The following ANK2 variants were observed in gnomAD, a reference collection of about 807,000 sequenced individuals.
ANK2 encodes the protein ankyrin-2.
A neutral mutation model predicts 360.5 loss-of-function variants in ANK2; 83 were observed. That is an observed-to-expected ratio of 0.23 (90% confidence interval 0.19 to 0.28). ANK2 has a LOEUF of 0.28. ANK2 is among the 10% of genes least tolerant of loss of function. The pLI, the probability that ANK2 is intolerant of heterozygous loss-of-function variation, is 1.00. For missense variants in ANK2, 4,201 were observed against 4,795.7 expected (o/e 0.88, Z 3.66); for synonymous variants, 1,740 against 1,759.5 (o/e 0.99, Z 0.28).
intron 1 of ANK2, among the ~76,000 whole-genome samples, chr4:112,900,540 A>G (rs2083025750): frequency 6.6e-6 from 1 of 152,192 alleles, no homozygotes; most frequent in Non-Finnish European, 1.5e-5. Context: ...AAGCCGGGGA[A>G]AGGGAAAAAG....
At chr4:112,855,428 A>G (rs1472519907) in intron 1 of ANK2, among the ~76,000 whole-genome samples, 1 of 152,208 alleles carries the variant, frequency 6.6e-6, no homozygotes, top group Non-Finnish European at 1.5e-5. Context: ...TAGTACACTG[A>G]CAACAGGTTG....
At chr4:113,359,488 C>T (rs973908201) in intron 38 of ANK2, among the ~76,000 whole-genome samples, 189 bp downstream of exon 38, 2 of 152,024 alleles carry the variant, frequency 1.3e-5, no homozygotes, top group Non-Finnish European at 2.9e-5. Flanking sequence ...AAAACAATCT[C>T]AAGATTGAGT....
chr4:112,947,084 C>T (rs550636042), intron 2 of ANK2, among the ~76,000 whole-genome samples: 1 of 152,278 alleles, frequency 6.6e-6, no homozygotes, highest in South Asian at 2.1e-4. Context: ...GTATTGCATG[C>T]TTGTTGGGTC....
At chr4:113,301,278 T>C (rs549727684) in intron 22 of ANK2, among the ~76,000 whole-genome samples, 1 of 152,280 alleles carries the variant, frequency 6.6e-6, no homozygotes, top group South Asian at 2.1e-4. Flanking sequence ...TAATGAGATT[T>C]GAATTTTTAT....
intron 1 of ANK2, among the ~76,000 whole-genome samples, chr4:112,837,907 T>C (rs2061335564): frequency 1.3e-5 from 2 of 152,238 alleles, no homozygotes; most frequent in African/African-American, 4.8e-5. Flanking sequence ...GATTAGACTT[T>C]GCACTTAGAC....
In ANK2 at chr4:113,350,134, T is replaced by G. The variant is rs533980163; in HGVS notation, c.4405-94T>G. 8.0e-6 allele frequency: 9 copies of G among 1,126,068 alleles called. No homozygotes were observed. The African/African-American group carries it at 1.2e-4, about 15-fold the overall frequency. 69.8% of individuals were successfully genotyped at this position (1,126,068 alleles called of 1,614,324 possible). The stretch of plus-strand genomic sequence containing the variant: ...CCTATAGCTATGGTGTCACCCAACA[T>G]GTATAATTATGAATAGGAGCTTTTT... On this transcript the variant is annotated intron_variant, in intron 36 of 45. Transcript: ENST00000357077.
the ANK2 span, among the ~76,000 whole-genome samples, chr4:112,790,982 A>G: frequency 6.0e-4 from 92 of 152,326 alleles, no homozygotes; most frequent in African/African-American, 2.1e-3. Context: ...TTGTCTAAGA[A>G]AGACAGTGCT....
At chr4:113,111,164 A>G (rs571308942) in intron 1 of ANK2, among the ~76,000 whole-genome samples, 1 of 152,322 alleles carries the variant, frequency 6.6e-6, no homozygotes, top group African/African-American at 2.4e-5. Flanking sequence ...AAAGAATAAC[A>G]ATTAAAAATA....
chr4:112,775,767 A>G, the ANK2 span, among the ~76,000 whole-genome samples: 1,384 of 152,240 alleles, frequency 9.1e-3, 17 homozygotes, highest in African/African-American at 0.027. Flanking sequence ...TTAGGTCTGA[A>G]GCTCACAAAA....
chr4:113,216,700 GA>G (rs1338918439), intron 4 of ANK2, among the ~76,000 whole-genome samples: 1 of 152,096 alleles, frequency 6.6e-6, no homozygotes, highest in Non-Finnish European at 1.5e-5. Flanking sequence ...ACAACACTCA[GA>G]ACATATTTTT....
chr4:113,257,419 C>T (rs1195192603), intron 11 of ANK2, among the ~76,000 whole-genome samples: 4 of 152,004 alleles, frequency 2.6e-5, no homozygotes, highest in African/African-American at 9.7e-5. Flanking sequence ...TGAAAATATT[C>T]GAGAACTTAA....
At chr4:113,359,908 G>A (rs1564074220) in intron 38 of ANK2, among the ~76,000 whole-genome samples, 1 of 152,100 alleles carries the variant, frequency 6.6e-6, no homozygotes, top group Non-Finnish European at 1.5e-5. Context: ...GTAGATGAAT[G>A]GAGAATGTAC....
intron 24 of ANK2, among the ~76,000 whole-genome samples, chr4:113,317,193 A>ATTCACAGT (rs2083374584): frequency 1.3e-5 from 2 of 152,356 alleles, no homozygotes; most frequent in Non-Finnish European, 2.9e-5. Flanking sequence ...ACATTCAGTC[A>ATTCACAGT]TTCACAGTTT....
chr4:113,048,287 T>A (rs1407280490), upstream of ANK2, among the ~76,000 whole-genome samples: 62 of 108,710 alleles, frequency 5.7e-4, no homozygotes, highest in African/African-American at 1.1e-3. Flanking sequence ...TTTTTTTTTT[T>A]TTTTTTTTTT....
chr4:113,206,449 C>T (rs560359620), intron 4 of ANK2, among the ~76,000 whole-genome samples: 135 of 152,244 alleles, frequency 8.9e-4, no homozygotes, highest in African/African-American at 3.1e-3. Context: ...CATAGTATCC[C>T]ATGGTGTATC....
chr4:113,150,204 T>A (rs1279910502), intron 1 of ANK2, among the ~76,000 whole-genome samples: 1 of 152,188 alleles, frequency 6.6e-6, no homozygotes, highest in Non-Finnish European at 1.5e-5. Context: ...CAGCTGTTAC[T>A]ATGAACCTAC....
At chr4:112,896,292 G>A (rs1218146379) in intron 1 of ANK2, among the ~76,000 whole-genome samples, 2 of 152,202 alleles carry the variant, frequency 1.3e-5, no homozygotes, top group African/African-American at 2.4e-5. Context: ...TATAGACTAT[G>A]GGCTATAGGT....
intron 1 of ANK2, among the ~76,000 whole-genome samples, chr4:112,877,544 C>T (rs1374474838): frequency 6.6e-6 from 1 of 152,174 alleles, no homozygotes; most frequent in Non-Finnish European, 1.5e-5. Flanking sequence ...CTCAGTCAAG[C>T]TTCTTTAAAG....
intron 1 of ANK2, among the ~76,000 whole-genome samples, chr4:113,154,654 A>G (rs2097213681): frequency 1.3e-5 from 2 of 152,232 alleles, no homozygotes; most frequent in Non-Finnish European, 2.9e-5. Context: ...TTAATTATTC[A>G]GTAAGTTTCT....
Sources: allele counts gnomAD v4.1 joint callset (sites outside exome capture counted in the v4.1 genomes callset), GRCh38; gene constraint gnomAD v4.1.1; transcripts MANE v1.5; gene names NCBI Gene and HGNC (gene_info 2026-07-23, HGNC 2026-07-21).